Variants in NDUFAF6 observed in about 807,000 individuals in gnomAD.
The protein encoded by NDUFAF6 is NADH dehydrogenase (ubiquinone) complex I, assembly factor 6.
NDUFAF6 carries 45 observed loss-of-function variants against 40.8 expected under a neutral mutation model. That is an observed-to-expected ratio of 1.10 (90% CI 0.87 to 1.42). The LOEUF (loss-of-function observed/expected upper bound fraction) is 1.42, where lower values mean the gene tolerates loss of function less well. NDUFAF6 is among the 40% of genes most tolerant of loss of function. The pLI is 0.00. For synonymous variants in NDUFAF6, 185 were observed against 155.9 expected (o/e 1.19, Z -1.39); for missense variants, 435 against 418.5 (o/e 1.04, Z -0.34).
At position 95,032,855 on chromosome 8, in the gene NDUFAF6, C is replaced by T. The variant is rs1474100912; in HGVS notation, c.297+761C>T. On this transcript the variant is annotated intron_variant, in intron 2 of 8. Transcript: ENST00000396124. ...ACCGAGGCACAACTGAGATTCACAACTGTGAGTCTGTAGAGAGTCTAATAG... is the reference window on the plus strand; with the variant it reads ...ACCGAGGCACAACTGAGATTCACAATTGTGAGTCTGTAGAGAGTCTAATAG... Among the ~76,000 whole-genome samples, 3 of 152,258 alleles carry T rather than the reference C, an allele frequency of 2.0e-5. No homozygotes were observed. The East Asian group carries it at 5.8e-4, about 29-fold the overall frequency.
intron 2 of NDUFAF6, among the ~76,000 whole-genome samples, chr8:95,094,378 CCT>C (rs1563865549): frequency 7.0e-5 from 2 of 28,520 alleles, no homozygotes; most frequent in Non-Finnish European, 1.2e-4. Flanking sequence ...TCTTTTCTTT[CCT>C]TCTTTCTTTT....
chr8:95,030,898 G>A (rs1313858145), intron 1 of NDUFAF6, among the ~76,000 whole-genome samples: 3 of 152,214 alleles, frequency 2.0e-5, no homozygotes, highest in Non-Finnish European at 2.9e-5. Context: ...GGCAGAAGAC[G>A]AAGGGGAGCA....
At chr8:95,023,109 A>G (rs1827759684), upstream of NDUFAF6, 1 of 152,216 alleles carries the variant, frequency 6.6e-6, no homozygotes, top group Non-Finnish European at 1.5e-5. Flanking sequence ...CTTTATGTTA[A>G]GCCTTTTTGC....
chr8:94,959,783 T>C (rs579798), intron 1 of NDUFAF6, among the ~76,000 whole-genome samples: 24,876 of 152,210 alleles, frequency 0.16, 2,404 homozygotes, highest in Non-Finnish European at 0.21. Context: ...CAAGTGATCC[T>C]CTCGCCTTGC....
At chr8:94,998,326 C>G (rs1376135406) in intron 2 of NDUFAF6, among the ~76,000 whole-genome samples, 1 of 151,478 alleles carries the variant, frequency 6.6e-6, no homozygotes, top group Non-Finnish European at 1.5e-5. Flanking sequence ...CAGATGACAA[C>G]TATTGTTACC....
chr8:95,117,808 G>T (rs753998791), downstream of NDUFAF6, among the ~76,000 whole-genome samples: 5 of 152,174 alleles, frequency 3.3e-5, no homozygotes, highest in Non-Finnish European at 7.3e-5. Flanking sequence ...ATATTAAGAT[G>T]GTGGAGTTGT....
intron 2 of NDUFAF6, among the ~76,000 whole-genome samples, chr8:94,949,657 C>G (rs1165873272): frequency 6.6e-6 from 1 of 152,120 alleles, no homozygotes; most frequent in Non-Finnish European, 1.5e-5. Context: ...GCCGGCTTTC[C>G]AGGAGCCGGC....
chr8:94,937,416 G>A (rs1438513318), intron 1 of NDUFAF6, among the ~76,000 whole-genome samples: 2 of 150,852 alleles, frequency 1.3e-5, no homozygotes, highest in Non-Finnish European at 2.9e-5. Context: ...ACTCCAGCCT[G>A]GGTGACACAG....
intron 1 of NDUFAF6, among the ~76,000 whole-genome samples, chr8:94,904,307 C>G (rs1418881578): frequency 2.1e-5 from 2 of 94,350 alleles, no homozygotes; most frequent in East Asian, 6.8e-4. Flanking sequence ...TCACACCTGG[C>G]TAATTTTTTT....
chr8:94,940,652 G>T (rs1242377501), intron 1 of NDUFAF6, among the ~76,000 whole-genome samples: 1 of 152,158 alleles, frequency 6.6e-6, no homozygotes, highest in East Asian at 1.9e-4. Context: ...TCTGATGTCA[G>T]TCAATTTCAC....
intron 2 of NDUFAF6, among the ~76,000 whole-genome samples, chr8:94,996,377 T>A (rs1443447170): frequency 6.6e-6 from 1 of 152,202 alleles, no homozygotes; most frequent in Non-Finnish European, 1.5e-5. Flanking sequence ...CTCCATAACT[T>A]ATACCTGAGT....
intron 1 of NDUFAF6, among the ~76,000 whole-genome samples, chr8:94,970,311 T>G (rs1824364944): frequency 6.7e-6 from 1 of 149,308 alleles, no homozygotes; most frequent in African/African-American, 2.5e-5. Context: ...TGTTTTCAAC[T>G]ATTGAATTAG....
chr8:95,097,329 T>C (rs1809498943), upstream of NDUFAF6, among the ~76,000 whole-genome samples: 1 of 152,220 alleles, frequency 6.6e-6, no homozygotes, highest in East Asian at 1.9e-4. Flanking sequence ...CCCTTATTGG[T>C]AACAGCCTAA....
At chr8:95,015,234 A>G (rs1827393186) in intron 2 of NDUFAF6, among the ~76,000 whole-genome samples, 1 of 152,196 alleles carries the variant, frequency 6.6e-6, no homozygotes, top group Admixed American at 6.5e-5. Context: ...GAGGCCATAC[A>G]GAGTGGTTCT....
chr8:94,939,964 GAGA>G, intron 1 of NDUFAF6: 2 of 1,614,152 alleles, frequency 1.2e-6, no homozygotes, highest in Non-Finnish European at 1.7e-6. Context: ...GATGTTCAAT[GAGA>G]AGGTTTTCCA....
chr8:95,105,328 A>G (rs1809805572), downstream of NDUFAF6, among the ~76,000 whole-genome samples: 1 of 150,660 alleles, frequency 6.6e-6, no homozygotes, highest in South Asian at 2.1e-4. Flanking sequence ...ATCACAAAAT[A>G]CTCCTCTTCT....
chr8:94,959,184 C>T (rs1050576243), intron 1 of NDUFAF6, among the ~76,000 whole-genome samples: 37 of 152,298 alleles, frequency 2.4e-4, no homozygotes, highest in African/African-American at 8.7e-4. Flanking sequence ...GGGGCTGGCA[C>T]TTGACCTCAG....
intron 8 of NDUFAF6, among the ~76,000 whole-genome samples, chr8:95,056,672 C>A (rs987552543): frequency 6.6e-6 from 1 of 151,666 alleles, no homozygotes; most frequent in African/African-American, 2.4e-5. Context: ...TTTGGGAGGC[C>A]GAGGAGGATG....
chr8:94,917,683 A>G (rs1478774954), intron 1 of NDUFAF6, among the ~76,000 whole-genome samples: 1 of 152,216 alleles, frequency 6.6e-6, no homozygotes, highest in Non-Finnish European at 1.5e-5. Context: ...TAAATGTACA[A>G]ATTCTATTAA....
Sources: allele counts gnomAD v4.1 joint callset (sites outside exome capture counted in the v4.1 genomes callset), GRCh38; gene constraint gnomAD v4.1.1; transcripts MANE v1.5; gene names NCBI Gene and HGNC (gene_info 2026-07-23, HGNC 2026-07-21).